The following COL21A1 variants were observed in gnomAD, a reference collection of about 807,000 sequenced individuals.
The protein encoded by COL21A1 is collagen type XXI alpha 1 chain.
COL21A1 carries 149 observed loss-of-function variants against 137.9 expected under a neutral mutation model. The observed-to-expected ratio is 1.08, with a 90% CI of 0.95 to 1.24. The LOEUF is 1.24. Among genes scored for constraint, COL21A1 ranks in the 50% most tolerant of loss-of-function variants. The probability of loss-of-function intolerance (pLI) is 0.00; values close to 1 mark genes in which losing one functional copy is unlikely to be tolerated. For missense variants in COL21A1, 1,167 were observed against 1,158.4 expected, an observed-to-expected ratio of 1.01 and a Z score of -0.11; for synonymous variants, 456 against 391.5, an observed-to-expected ratio of 1.16 and a Z score of -1.95.
intron 17 of COL21A1, among the ~76,000 whole-genome samples, chr6:56,097,993 GTAAATATA>G (rs1250832169): frequency 0.11 from 977 of 8,728 alleles, 162 homozygotes; most frequent in Non-Finnish European, 0.14. Flanking sequence ...AAATATATAT[GTAAATATA>G]TAAATATATA....
rs944715498 is a variant in COL21A1, at chr6:56,124,411, C to T, written c.1651-119G>A. ...CATTATGTAGTAAAAACTCATGGAACTACAACTCATGTTGACTCTGCAAAG... is the reference window on the plus strand; with the variant it reads ...CATTATGTAGTAAAAACTCATGGAATTACAACTCATGTTGACTCTGCAAAG... On this transcript the variant is annotated intron_variant, in intron 14 of 29. Transcript: ENST00000244728. 3.3e-6 allele frequency: 3 copies of T among 910,630 alleles called. No homozygotes were observed. The Admixed American group carries it at 6.9e-5, about 21-fold the overall frequency. The allele number at this position is 910,630 out of a possible 1,614,324, so 56.4% of individuals were successfully genotyped here. A position where few individuals can be genotyped will look rare whatever the true frequency, so the allele number is the denominator to read the frequency against.
At chr6:56,070,203 C>T in intron 21 of COL21A1, among the ~76,000 whole-genome samples, 1 of 151,510 alleles carries the variant, frequency 6.6e-6, no homozygotes, top group East Asian at 1.9e-4. Flanking sequence ...AAAGATCACT[C>T]TCTTTTTTAA....
At chr6:56,198,558 G>T (rs1266363018) in intron 1 of COL21A1, among the ~76,000 whole-genome samples, 2 of 151,796 alleles carry the variant, frequency 1.3e-5, no homozygotes, top group Non-Finnish European at 1.5e-5. Flanking sequence ...TGATTAAAAT[G>T]AGAAAAAAAG....
rs914913576 is a variant in COL21A1, at chr6:56,114,182, C to T, written c.1758+9880G>A. 5.9e-5 allele frequency among the ~76,000 whole-genome samples: 9 copies of T among 152,282 alleles called. No homozygotes were observed. The East Asian group carries it at 9.7e-4, about 16-fold the overall frequency. On this transcript the variant is annotated intron_variant, in intron 16 of 29. Coordinates refer to ENST00000244728, the MANE Select transcript of COL21A1 (RefSeq NM_030820.4). ...ACATAGGCCTGGCTGGCTTTGCCAC[C>T]TGCTGATTGTAGGGTCATAGGGCCT...
rs945225573 is a variant in COL21A1, at chr6:56,057,522, T to C, written c.*135A>G. 1 of 796,824 alleles carries C rather than the reference T, an allele frequency of 1.3e-6. No individual in the cohort carries two copies. The highest frequency in any genetic ancestry group is 2.0e-6 in the Non-Finnish European group (1 of 495,554). 49.4% of individuals were successfully genotyped at this position (796,824 alleles called of 1,614,324 possible). A position where few individuals can be genotyped will look rare whatever the true frequency, so the allele number is the denominator to read the frequency against. ...GTATATGTGATCTTTTATATTTTTT[T>C]CCATAAGAAAAAAAAAATAAAAACA... On this transcript the variant is annotated 3_prime_UTR_variant, in exon 30 of 30. Coordinates refer to ENST00000244728, the MANE Select transcript of COL21A1 (RefSeq NM_030820.4).
intron 1 of COL21A1, among the ~76,000 whole-genome samples, chr6:56,335,464 T>C (rs1765314583): frequency 6.6e-6 from 1 of 152,136 alleles, no homozygotes; most frequent in East Asian, 1.9e-4. Context: ...AGGATTTAAT[T>C]TATAACTGAC....
At chr6:56,143,885 C>G (rs1774630998) in intron 10 of COL21A1, among the ~76,000 whole-genome samples, 1 of 152,140 alleles carries the variant, frequency 6.6e-6, no homozygotes. Flanking sequence ...CAACTCTATA[C>G]ATGAACGTGT....
At chr6:56,308,201 T>C (rs956894225) in intron 1 of COL21A1, among the ~76,000 whole-genome samples, 1 of 152,216 alleles carries the variant, frequency 6.6e-6, no homozygotes, top group Admixed American at 6.5e-5. Context: ...TATGGTTTTA[T>C]GGGACTAGTG....
intron 1 of COL21A1, among the ~76,000 whole-genome samples, chr6:56,292,997 T>C (rs1764087572): frequency 6.6e-6 from 1 of 152,222 alleles, no homozygotes; most frequent in Admixed American, 6.5e-5. Flanking sequence ...ATTTATAGTA[T>C]GCTTTTATCA....
At chr6:56,329,702 T>C (rs1354652197) in intron 1 of COL21A1, among the ~76,000 whole-genome samples, 2 of 152,090 alleles carry the variant, frequency 1.3e-5, no homozygotes, top group African/African-American at 4.8e-5. Flanking sequence ...TTGGAAGGCA[T>C]CAAACTGTCA....
chr6:56,188,009 A>G (rs1198086475), intron 1 of COL21A1, among the ~76,000 whole-genome samples: 2 of 152,222 alleles, frequency 1.3e-5, no homozygotes, highest in Admixed American at 1.3e-4. Flanking sequence ...AAAAGAAGAT[A>G]CAGAAATGGC....
At chr6:56,364,005 T>C (rs529195933) in intron 1 of COL21A1, among the ~76,000 whole-genome samples, 3 of 152,246 alleles carry the variant, frequency 2.0e-5, no homozygotes, top group Admixed American at 6.5e-5. Flanking sequence ...GCTGACATAA[T>C]CAGCAAGCGT....
intron 16 of COL21A1, among the ~76,000 whole-genome samples, chr6:56,113,683 G>A (rs1470012267): frequency 6.6e-6 from 1 of 152,080 alleles, no homozygotes; most frequent in African/African-American, 2.4e-5. Flanking sequence ...ACAAGCAAAG[G>A]GAAAATTAAA....
intron 1 of COL21A1, among the ~76,000 whole-genome samples, chr6:56,307,768 C>T (rs973647643): frequency 2.6e-5 from 4 of 152,140 alleles, no homozygotes; most frequent in Non-Finnish European, 4.4e-5. Context: ...GAGATGAACC[C>T]GGTACCTCAG....
intron 1 of COL21A1, among the ~76,000 whole-genome samples, chr6:56,373,916 A>G (rs2093994584): frequency 6.6e-6 from 1 of 152,140 alleles, no homozygotes; most frequent in Non-Finnish European, 1.5e-5. Flanking sequence ...TAATAAATTT[A>G]TTTTCTGCTT....
intron 9 of COL21A1, among the ~76,000 whole-genome samples, chr6:56,158,001 T>C (rs1445880345): frequency 6.6e-6 from 1 of 152,216 alleles, no homozygotes; most frequent in African/African-American, 2.4e-5. Flanking sequence ...TGTTGCCCAA[T>C]GGCCAGTACT....
chr6:56,324,685 A>G (rs897396174), intron 1 of COL21A1, among the ~76,000 whole-genome samples: 5 of 152,040 alleles, frequency 3.3e-5, no homozygotes, highest in African/African-American at 9.7e-5. Context: ...CAAGTATATT[A>G]CATTAATATA....
chr6:56,309,427 C>G (rs918726689), intron 1 of COL21A1, among the ~76,000 whole-genome samples: 1 of 152,178 alleles, frequency 6.6e-6, no homozygotes, highest in Non-Finnish European at 1.5e-5. Context: ...GTAGAATGTT[C>G]ATGAGAGAGT....
intron 1 of COL21A1, among the ~76,000 whole-genome samples, chr6:56,207,853 A>G (rs1471384774): frequency 6.6e-6 from 1 of 152,224 alleles, no homozygotes; most frequent in Non-Finnish European, 1.5e-5. Context: ...AATCAGGTTC[A>G]TCCCTGAGAT....
Sources: gnomAD v4.1 joint callset for allele counts (sites outside exome capture counted in the v4.1 genomes callset) on GRCh38, gnomAD v4.1.1 for gene constraint, MANE v1.5 for transcripts, NCBI Gene and HGNC (gene_info 2026-07-23, HGNC 2026-07-21) for gene names.